The following DDAH1 variants were observed in gnomAD, a reference collection of about 807,000 sequenced individuals.
DDAH1 encodes dimethylarginine dimethylaminohydrolase 1.
A neutral mutation model predicts 28.8 loss-of-function variants in DDAH1; 19 were observed. The observed-to-expected ratio is 0.66, with a 90% CI of 0.46 to 0.97. The LOEUF (loss-of-function observed/expected upper bound fraction) is 0.97, where lower values mean the gene tolerates loss of function less well. Ranked by LOEUF, DDAH1 falls within the 50% of genes least tolerant of loss-of-function variation. The pLI is 0.00. For missense variants in DDAH1, 326 were observed against 375.9 expected (o/e 0.87, Z 1.10); for synonymous variants, 153 against 154.4 (o/e 0.99, Z 0.07).
chr1:85,353,263 T>A (rs1649320280), intron 2 of DDAH1, among the ~76,000 whole-genome samples: 1 of 152,194 alleles, frequency 6.6e-6, no homozygotes, highest in South Asian at 2.1e-4. Context: ...TCATCTTCCC[T>A]TTATTTATTG....
intron 1 of DDAH1, among the ~76,000 whole-genome samples, chr1:85,411,058 T>C (rs542690013): frequency 3.9e-5 from 6 of 152,320 alleles, no homozygotes; most frequent in African/African-American, 1.4e-4. Flanking sequence ...TACCCAAGCA[T>C]ATTCTTCATA....
chr1:85,568,177 G>C (rs572436671), intron 1 of DDAH1, among the ~76,000 whole-genome samples: 1 of 152,304 alleles, frequency 6.6e-6, no homozygotes, highest in African/African-American at 2.4e-5. Context: ...AGCAGGAGTA[G>C]AGGGAAATTT....
At chr1:85,453,207 C>A (rs1654742916) in intron 1 of DDAH1, among the ~76,000 whole-genome samples, 1 of 152,128 alleles carries the variant, frequency 6.6e-6, no homozygotes, top group Non-Finnish European at 1.5e-5. Context: ...TCCATATTAT[C>A]CCATCCACTC....
intron 1 of DDAH1, among the ~76,000 whole-genome samples, chr1:85,536,516 G>A (rs1658284211): frequency 6.6e-6 from 1 of 152,296 alleles, no homozygotes; most frequent in African/African-American, 2.4e-5. Flanking sequence ...TCACGCCAAT[G>A]CACTCCAGCC....
At chr1:85,442,800 T>C (rs183692911) in intron 1 of DDAH1, among the ~76,000 whole-genome samples, 4 of 152,342 alleles carry the variant, frequency 2.6e-5, no homozygotes, top group Non-Finnish European at 4.4e-5. Context: ...CATTTTTTCA[T>C]ATGTCTGTTG....
rs1294636808 is a variant in DDAH1, at chr1:85,498,226, C to T, written c.-122-1945G>A. Among the ~76,000 whole-genome samples the T allele has an allele frequency of 2.6e-5, 4 of 152,264 alleles. No homozygotes were observed. The East Asian group carries it at 7.7e-4, about 29-fold the overall frequency. ...ACAGGACTATAGCGGTGACTTCCCTCAAGGATTGCTTCATCCAACCCAGCA... is the reference window on the plus strand; with the variant it reads ...ACAGGACTATAGCGGTGACTTCCCTTAAGGATTGCTTCATCCAACCCAGCA... On this transcript the variant is annotated intron_variant, in intron 1 of 6. Coordinates refer to the DDAH1 transcript ENST00000426972.
Position 85,519,086 on chromosome 1 carries a change from A to ATTTTTTT in DDAH1, c.-122-22806_-122-22805insAAAAAAA, listed in dbSNP as rs1411129355. Among the ~76,000 whole-genome samples, 6 of 101,372 alleles carry ATTTTTTT rather than the reference A, an allele frequency of 5.9e-5. No individual in the cohort carries two copies. In the South Asian group the frequency reaches 1.7e-3, roughly 29 times the overall value. The allele number at this position is 101,372 out of a possible 152,430, so 66.5% of individuals were successfully genotyped here. ...AACAAGAAGAAACGAGGAAAGACGG[A>ATTTTTTT]TCTTTTTTTTTTTTTTTTTTTTTTT... On this transcript the variant is annotated intron_variant, in intron 1 of 6. Transcript: ENST00000426972.
At chr1:85,536,712 G>C (rs552767432) in intron 1 of DDAH1, among the ~76,000 whole-genome samples, 1 of 152,002 alleles carries the variant, frequency 6.6e-6, no homozygotes, top group Non-Finnish European at 1.5e-5. Flanking sequence ...CACTTGGTGG[G>C]ATCCTAAACT....
Position 85,553,692 on chromosome 1 carries a change from G to A in DDAH1, c.-123+24292C>T, listed in dbSNP as rs557556362. On this transcript the variant is annotated intron_variant, in intron 1 of 6. Coordinates refer to the DDAH1 transcript ENST00000426972. ...CATTTCTGATAGACAGTACAGTCTA[G>A]AGGTCTGATATTTGTTGTATGAATC... Among the ~76,000 whole-genome samples the A allele has an allele frequency of 6.6e-5, 10 of 152,330 alleles. No homozygotes were observed. The South Asian group carries it at 8.3e-4, about 13-fold the overall frequency.
chr1:85,380,988 G>A (rs1210019527), intron 1 of DDAH1, among the ~76,000 whole-genome samples: 1 of 152,128 alleles, frequency 6.6e-6, no homozygotes, highest in Non-Finnish European at 1.5e-5. Flanking sequence ...TGTAATCCCA[G>A]CACTTTGGGA....
In DDAH1 at chr1:85,491,043, A is replaced by ACTCTT. The variant is rs1557686884; in HGVS notation, c.-7+5122_-7+5123insAAGAG. Among the ~76,000 whole-genome samples, 24 of 79,350 alleles carry ACTCTT rather than the reference A, an allele frequency of 3.0e-4. 5 individuals are homozygous for ACTCTT. Among genetic ancestry groups the ACTCTT allele is most frequent in the African/African-American group, 3.2e-4 (6 of 18,972 alleles). The allele number at this position is 79,350 out of a possible 152,430, so 52.1% of individuals were successfully genotyped here. ...TCTTCTAATGACAACAGTAACATGT[A>ACTCTT]TTCTTTTTTTTTTTTTTTTTTTTGA... is the stretch of plus-strand genomic sequence containing the variant. On this transcript the variant is annotated intron_variant, in intron 2 of 6. Transcript: ENST00000426972.
chr1:85,505,458 G>GT (rs1052029249), intron 1 of DDAH1, among the ~76,000 whole-genome samples: 1 of 152,124 alleles, frequency 6.6e-6, no homozygotes, highest in Non-Finnish European at 1.5e-5. Context: ...GAGGGAAAAA[G>GT]TATTTCATTA....
rs909139822 is a variant in DDAH1 at position 85,336,182 on chromosome 1, A to G, written c.598-11299T>C. ...AAAAATATATGGAACATTTCATCCA[A>G]TAGCTGCAGAATACACATTCTTCTT... is the stretch of plus-strand genomic sequence containing the variant. On this transcript the variant is annotated intron_variant, in intron 4 of 5. Transcript: ENST00000284031. 5.3e-5 allele frequency among the ~76,000 whole-genome samples: 8 copies of G among 152,240 alleles called. 1 individual carries two copies. The highest frequency in any genetic ancestry group is 3.3e-4 in the Admixed American group (5 of 15,298).
chr1:85,391,696 T>C (rs1038546305), intron 1 of DDAH1, among the ~76,000 whole-genome samples: 1 of 152,194 alleles, frequency 6.6e-6, no homozygotes, highest in Non-Finnish European at 1.5e-5. Flanking sequence ...ATTACCAAAG[T>C]GTTTCAGTTG....
At chr1:85,507,428 A>G (rs1329280306) in intron 1 of DDAH1, among the ~76,000 whole-genome samples, 2 of 152,070 alleles carry the variant, frequency 1.3e-5, no homozygotes, top group Admixed American at 1.3e-4. Context: ...GCTTGAGCCC[A>G]GGAGGTTGAG....
intron 1 of DDAH1, among the ~76,000 whole-genome samples, chr1:85,570,589 G>A (rs1404572013): frequency 3.9e-5 from 6 of 152,092 alleles, no homozygotes; most frequent in African/African-American, 1.2e-4. Context: ...CATTTCCTCT[G>A]GAATCTGTCA....
chr1:85,557,015 G>C (rs991501373), intron 1 of DDAH1, among the ~76,000 whole-genome samples: 4 of 152,128 alleles, frequency 2.6e-5, no homozygotes, highest in South Asian at 2.1e-4. Context: ...TAATCAGGAG[G>C]CTGAGACAGG....
At chr1:85,414,513 G>C (rs1376775530) in intron 1 of DDAH1, among the ~76,000 whole-genome samples, 1 of 152,168 alleles carries the variant, frequency 6.6e-6, no homozygotes, top group Non-Finnish European at 1.5e-5. Context: ...GACAATCTTT[G>C]CAACACACAC....
chr1:85,330,668 T>G (rs1034635244), intron 4 of DDAH1, among the ~76,000 whole-genome samples: 4 of 152,176 alleles, frequency 2.6e-5, no homozygotes, highest in Non-Finnish European at 4.4e-5. Context: ...ATCTGAGAAG[T>G]CAAGTTGCTG....
Sources: allele counts gnomAD v4.1 joint callset (sites outside exome capture counted in the v4.1 genomes callset), GRCh38; gene constraint gnomAD v4.1.1; transcripts MANE v1.5; gene names NCBI Gene and HGNC (gene_info 2026-07-23, HGNC 2026-07-21).